TBL1X: variants seen among roughly 807,000 people sequenced by gnomAD.
TBL1X encodes transducin beta like 1 X-linked, also known as F-box-like/WD repeat-containing protein TBL1X.
In TBL1X, 10 loss-of-function variants were observed where a neutral mutation model predicts 50.7. The ratio of observed to expected loss-of-function variants is 0.20; its 90% confidence interval spans 0.12 to 0.33. The LOEUF is 0.33. Ranked by LOEUF, TBL1X falls within the 10% of genes least tolerant of loss-of-function variation. TBL1X has a pLI of 1.00. For missense variants in TBL1X, 340 were observed against 504.4 expected (o/e 0.67, Z 3.12); for synonymous variants, 190 against 214.7 (o/e 0.88, Z 1.01).
At chrX:9,534,017 C>G (rs185207334) in intron 2 of TBL1X, among the ~76,000 whole-genome samples, 319 of 111,616 alleles carry the variant, frequency 2.9e-3, no homozygotes, top group African/African-American at 0.01. Context: ...GAACCCAGAA[C>G]CATGCGGGAG....
chrX:9,546,967 C>T (rs1475299064), intron 2 of TBL1X, among the ~76,000 whole-genome samples: 7 of 103,822 alleles, frequency 6.7e-5, no homozygotes, highest in East Asian at 3.1e-4. Flanking sequence ...TACAGGCGCC[C>T]GCTACCACGC....
At chrX:9,676,007 T>C (rs780344774) in intron 5 of TBL1X, among the ~76,000 whole-genome samples, 3 of 112,227 alleles carry the variant, frequency 2.7e-5, no homozygotes. Context: ...TGAGTTAATT[T>C]CTCCATCTTC....
At chrX:9,513,982 T>C (rs2082069387) in intron 2 of TBL1X, among the ~76,000 whole-genome samples, 1 of 109,619 alleles carries the variant, frequency 9.1e-6, no homozygotes, top group Non-Finnish European at 1.9e-5. Context: ...ACTCACTCAG[T>C]ACCAGGGGGA....
intron 5 of TBL1X, among the ~76,000 whole-genome samples, chrX:9,659,747 C>T (rs926142186): frequency 1.8e-5 from 2 of 112,007 alleles, no homozygotes; most frequent in Non-Finnish European, 3.8e-5. Flanking sequence ...GTTTTATAGA[C>T]GTGAGTTGAG....
intron 1 of TBL1X, among the ~76,000 whole-genome samples, chrX:9,476,091 C>G (rs767022988): frequency 8.9e-6 from 1 of 111,783 alleles, no homozygotes; most frequent in Non-Finnish European, 1.9e-5. Context: ...CCTGTTGCTT[C>G]TCTTTATGGT....
chrX:9,465,614 C>T (rs1330547664), intron 1 of TBL1X, among the ~76,000 whole-genome samples, 167 bp downstream of exon 1: 3 of 112,306 alleles, frequency 2.7e-5, no homozygotes, highest in Non-Finnish European at 5.7e-5. Flanking sequence ...CCCCGCGGCG[C>T]TCGGACTGGG....
At chrX:9,602,031 G>A (rs761685783) in intron 2 of TBL1X, among the ~76,000 whole-genome samples, 9 of 112,084 alleles carry the variant, frequency 8.0e-5, no homozygotes, top group Non-Finnish European at 1.7e-4. Flanking sequence ...GCAACAGGTC[G>A]AGACTGTGTC....
intron 2 of TBL1X, among the ~76,000 whole-genome samples, chrX:9,610,418 G>A (rs1168957512): frequency 8.9e-6 from 1 of 112,606 alleles, no homozygotes; most frequent in Non-Finnish European, 1.9e-5. Flanking sequence ...AAAGTTCAGT[G>A]TTTCCCAAGG....
intron 2 of TBL1X, among the ~76,000 whole-genome samples, chrX:9,556,622 G>C (rs1480772512): frequency 1.8e-5 from 2 of 108,990 alleles, no homozygotes; most frequent in African/African-American, 3.4e-5. Context: ...CTCCAGCCTG[G>C]ATGACAGAAC....
intron 1 of TBL1X, among the ~76,000 whole-genome samples, chrX:9,469,344 GT>G (rs1411835254): frequency 9.0e-6 from 1 of 111,225 alleles, no homozygotes; most frequent in Non-Finnish European, 1.9e-5. Flanking sequence ...TGTATTTTTA[GT>G]AGAGGTGGGG....
At chrX:9,661,441 C>T (rs762636575) in intron 5 of TBL1X, among the ~76,000 whole-genome samples, 3 of 111,444 alleles carry the variant, frequency 2.7e-5, no homozygotes, top group Admixed American at 9.5e-5. Flanking sequence ...GGGAGGACTG[C>T]CTGAGCCTGG....
chrX:9,502,869 A>G (rs1160081134), intron 2 of TBL1X, among the ~76,000 whole-genome samples: 1 of 112,252 alleles, frequency 8.9e-6, no homozygotes, highest in African/African-American at 3.2e-5. Context: ...AACATCCCTC[A>G]CCAAATAATC....
intron 2 of TBL1X, among the ~76,000 whole-genome samples, chrX:9,528,177 G>A (rs755342180): frequency 3.6e-5 from 4 of 111,282 alleles, no homozygotes; most frequent in African/African-American, 9.8e-5. Context: ...GGCACCCACC[G>A]TTCTATTTTC....
At chrX:9,551,233 A>G (rs776076312) in intron 2 of TBL1X, among the ~76,000 whole-genome samples, 2 of 110,788 alleles carry the variant, frequency 1.8e-5, no homozygotes, top group African/African-American at 3.3e-5. Context: ...GTGCTGCTGC[A>G]GTACCTTGTC....
intron 2 of TBL1X, among the ~76,000 whole-genome samples, chrX:9,539,133 G>A (rs2082203158): frequency 8.9e-6 from 1 of 112,193 alleles, no homozygotes; most frequent in Admixed American, 9.4e-5. Flanking sequence ...TGTGTTTGAG[G>A]ACAACAAGGA....
intron 2 of TBL1X, among the ~76,000 whole-genome samples, chrX:9,615,576 A>G (rs2082635172): frequency 8.9e-6 from 1 of 112,177 alleles, no homozygotes; most frequent in South Asian, 3.7e-4. Flanking sequence ...TTTCATGCCC[A>G]GCTTTGAGTA....
At chrX:9,564,992 T>C (rs1312895415) in intron 2 of TBL1X, among the ~76,000 whole-genome samples, 1 of 110,043 alleles carries the variant, frequency 9.1e-6, no homozygotes, top group East Asian at 2.9e-4. Flanking sequence ...AATCATAGGC[T>C]GGGTGCGGTG....
In TBL1X at chrX:9,687,915, T is replaced by G. The variant is rs971151796; in HGVS notation, c.358-102T>G. The G allele has an allele frequency of 5.4e-6, 6 of 1,115,701 alleles. No individual in the cohort carries two copies. In the African/African-American group the frequency reaches 9.4e-5, roughly 18 times the overall value. The allele number at this position is 1,115,701 out of a possible 1,213,427, so 91.9% of individuals were successfully genotyped here. ...CCCTGGTTGCTGGGAGCCAGCTGTT[T>G]ACGCCCCACTTCCCTGCGCTTCTCC... On this transcript the variant is annotated intron_variant, in intron 6 of 17. Coordinates refer to ENST00000645353, the MANE Select transcript of TBL1X (RefSeq NM_005647.4).
intron 2 of TBL1X, among the ~76,000 whole-genome samples, chrX:9,563,783 T>C (rs1394131820): frequency 8.9e-6 from 1 of 112,449 alleles, no homozygotes; most frequent in African/African-American, 3.2e-5. Context: ...GATATTTCCC[T>C]ATTGGGAATT....
Sources: gnomAD v4.1 joint callset for allele counts (sites outside exome capture counted in the v4.1 genomes callset) on GRCh38, gnomAD v4.1.1 for gene constraint, MANE v1.5 for transcripts, NCBI Gene and HGNC (gene_info 2026-07-23, HGNC 2026-07-21) for gene names.